Variants in ADAMTSL1 observed in about 807,000 individuals in gnomAD.
ADAMTSL1 encodes the protein ADAMTS-like protein 1.
ADAMTSL1 carries 126 observed loss-of-function variants against 201.8 expected under a neutral mutation model. The observed-to-expected ratio is 0.62, with a 90% CI of 0.54 to 0.72. ADAMTSL1 has a LOEUF of 0.72. Ranked by LOEUF, ADAMTSL1 falls within the 30% of genes least tolerant of loss-of-function variation. The pLI is 0.00. For synonymous variants in ADAMTSL1, 1,121 were observed against 903.4 expected (o/e 1.24, Z -4.32); for missense variants, 2,679 against 2,277.8 (o/e 1.18, Z -3.59).
chr9:18,109,551 T>C (rs1417240862), intron 1 of ADAMTSL1, among the ~76,000 whole-genome samples: 1 of 152,222 alleles, frequency 6.6e-6, no homozygotes, highest in African/African-American at 2.4e-5. Flanking sequence ...CATGGCCATG[T>C]GGTCTTTTGA....
At chr9:18,516,449 G>A (rs888785713) in intron 2 of ADAMTSL1, among the ~76,000 whole-genome samples, 4 of 152,352 alleles carry the variant, frequency 2.6e-5, no homozygotes, top group South Asian at 2.1e-4. Flanking sequence ...TGCAGAGCCA[G>A]CCACTGCCTT....
chr9:17,981,574 G>A (rs1195372117), intron 1 of ADAMTSL1, among the ~76,000 whole-genome samples: 2 of 152,110 alleles, frequency 1.3e-5, no homozygotes, highest in Non-Finnish European at 2.9e-5. Flanking sequence ...TTATGGTCTA[G>A]GATGAACGTG....
At chr9:18,362,506 C>T (rs1335069205) in intron 2 of ADAMTSL1, among the ~76,000 whole-genome samples, 2 of 152,178 alleles carry the variant, frequency 1.3e-5, no homozygotes, top group East Asian at 3.9e-4. Flanking sequence ...TATTGAATAG[C>T]TGAGTGTTCC....
At chr9:18,208,077 A>G (rs1241368046) in intron 2 of ADAMTSL1, among the ~76,000 whole-genome samples, 2 of 152,272 alleles carry the variant, frequency 1.3e-5, no homozygotes, top group Admixed American at 1.3e-4. Flanking sequence ...TGCCTATGAA[A>G]TGGAGACAGT....
intron 1 of ADAMTSL1, among the ~76,000 whole-genome samples, chr9:18,051,236 G>A (rs950410595): frequency 6.6e-6 from 1 of 152,192 alleles, no homozygotes; most frequent in African/African-American, 2.4e-5. Context: ...AGGAGGAGGA[G>A]GTTGTAGTGA....
chr9:18,380,675 G>A (rs1251585973), intron 2 of ADAMTSL1, among the ~76,000 whole-genome samples: 1 of 152,194 alleles, frequency 6.6e-6, no homozygotes, highest in Non-Finnish European at 1.5e-5. Context: ...TCATGAATAA[G>A]CTTTCACATG....
At chr9:18,114,861 G>A (rs1301902099) in intron 1 of ADAMTSL1, among the ~76,000 whole-genome samples, 1 of 152,134 alleles carries the variant, frequency 6.6e-6, no homozygotes, top group African/African-American at 2.4e-5. Context: ...TGTGTAGGCA[G>A]GCCTAACAAG....
At chr9:18,717,280 T>A (rs1035038336) in intron 14 of ADAMTSL1, among the ~76,000 whole-genome samples, 1 of 149,684 alleles carries the variant, frequency 6.7e-6, no homozygotes, top group African/African-American at 2.4e-5. Flanking sequence ...AATAAAAATT[T>A]TAAAAAAATA....
intron 2 of ADAMTSL1, among the ~76,000 whole-genome samples, chr9:18,468,047 C>T (rs1397774836): frequency 1.3e-5 from 2 of 152,120 alleles, no homozygotes; most frequent in Admixed American, 6.6e-5. Context: ...AACCATAATT[C>T]AAACCTCAAC....
chr9:18,402,811 A>T (rs149478706), intron 2 of ADAMTSL1, among the ~76,000 whole-genome samples: 1 of 152,186 alleles, frequency 6.6e-6, no homozygotes. Context: ...GACTTCTAGC[A>T]TATACCCTAT....
intron 1 of ADAMTSL1, among the ~76,000 whole-genome samples, chr9:18,077,040 C>T (rs1187111277): frequency 6.6e-6 from 1 of 151,994 alleles, no homozygotes; most frequent in Admixed American, 6.6e-5. Context: ...TAAACGTTGG[C>T]CACATTTACT....
chr9:18,468,990 T>G (rs1821107440), intron 2 of ADAMTSL1, among the ~76,000 whole-genome samples: 1 of 152,182 alleles, frequency 6.6e-6, no homozygotes. Context: ...AAAATCATAT[T>G]TTTTGCCCAT....
intron 2 of ADAMTSL1, among the ~76,000 whole-genome samples, chr9:18,243,177 T>C (rs975263767): frequency 6.6e-6 from 1 of 152,240 alleles, no homozygotes; most frequent in South Asian, 2.1e-4. Flanking sequence ...AATAAGTTCA[T>C]ACTTATATGG....
chr9:18,293,863 A>C (rs189627370), intron 2 of ADAMTSL1, among the ~76,000 whole-genome samples: 9 of 152,354 alleles, frequency 5.9e-5, no homozygotes, highest in African/African-American at 2.2e-4. Context: ...AATAAGGAAT[A>C]TGGTGCTTCT....
intron 2 of ADAMTSL1, among the ~76,000 whole-genome samples, chr9:18,287,952 G>T (rs887390991): frequency 1.3e-5 from 2 of 152,116 alleles, no homozygotes; most frequent in Non-Finnish European, 2.9e-5. Context: ...AAAATGTACA[G>T]AACTTTTTTA....
At chr9:18,227,179 T>C (rs1336030770) in intron 2 of ADAMTSL1, among the ~76,000 whole-genome samples, 2 of 152,182 alleles carry the variant, frequency 1.3e-5, no homozygotes, top group African/African-American at 4.8e-5. Flanking sequence ...AATTCTCCTC[T>C]AATCCCTCAT....
intron 2 of ADAMTSL1, among the ~76,000 whole-genome samples, chr9:18,396,630 T>A (rs1440165306): frequency 1.3e-5 from 2 of 150,864 alleles, no homozygotes; most frequent in African/African-American, 4.8e-5. Context: ...TTTATGTTAA[T>A]AATGTCCTGT....
At chr9:18,577,682 G>A (rs1030847176) in intron 4 of ADAMTSL1, among the ~76,000 whole-genome samples, 2 of 152,134 alleles carry the variant, frequency 1.3e-5, no homozygotes, top group Non-Finnish European at 2.9e-5. Flanking sequence ...TAGAAATGTA[G>A]AAGACTCTGA....
chr9:18,500,072 G>T (rs1383266962), intron 1 of ADAMTSL1, among the ~76,000 whole-genome samples: 1 of 152,194 alleles, frequency 6.6e-6, no homozygotes, highest in Non-Finnish European at 1.5e-5. Flanking sequence ...AGAGGCTATG[G>T]ATAAGTGGTA....
Sources: gnomAD v4.1 joint callset for allele counts (sites outside exome capture counted in the v4.1 genomes callset) on GRCh38, gnomAD v4.1.1 for gene constraint, MANE v1.5 for transcripts, NCBI Gene and HGNC (gene_info 2026-07-23, HGNC 2026-07-21) for gene names.